The following ZNF469 variants were observed in gnomAD, a reference collection of about 807,000 sequenced individuals.
The protein encoded by ZNF469 is zinc finger protein 469.
Under a neutral mutation model 1.0 loss-of-function variants are expected in ZNF469, and 1 was observed. That is an observed-to-expected ratio of 1.00 (90% confidence interval 0.35 to 4.73). The LOEUF is 4.73. ZNF469 is among the 30% of genes most tolerant of loss of function. The probability of loss-of-function intolerance (pLI) is 0.16; values close to 1 mark genes in which losing one functional copy is unlikely to be tolerated. For missense variants in ZNF469, 6,100 were observed against 5,356.3 expected, an observed-to-expected ratio of 1.14 and a Z score of -4.33; for synonymous variants, 2,703 against 2,363.4, an observed-to-expected ratio of 1.14 and a Z score of -4.17.
the ZNF469 span, among the ~76,000 whole-genome samples, chr16:88,286,775 C>T: frequency 1.3e-5 from 2 of 152,244 alleles, no homozygotes; most frequent in African/African-American, 4.8e-5. Flanking sequence ...CAGAACAGGA[C>T]AGATACTGCC....
chr16:88,419,383 G>A (rs527740026), intron 1 of ZNF469, among the ~76,000 whole-genome samples: 4 of 152,300 alleles, frequency 2.6e-5, no homozygotes, highest in East Asian at 1.9e-4. Flanking sequence ...AGCTCAGCAC[G>A]GGAGGCCAAC....
the ZNF469 span, among the ~76,000 whole-genome samples, chr16:88,108,330 A>G: frequency 1.3e-5 from 2 of 152,148 alleles, no homozygotes; most frequent in Admixed American, 6.5e-5. Flanking sequence ...GGCCCTGGCC[A>G]TCCCTGTGGG....
chr16:88,211,340 C>T, the ZNF469 span, among the ~76,000 whole-genome samples: 3 of 152,196 alleles, frequency 2.0e-5, no homozygotes, highest in Admixed American at 2.0e-4. Context: ...TGATCGTCTA[C>T]AAGGCAGGCA....
At position 88,431,459 on chromosome 16, in the gene ZNF469, C is replaced by T. The variant is rs919595948; in HGVS notation, c.3989C>T (p.Pro1330Leu). Residue 1330 changes from proline to leucine, a missense_variant, in exon 3 of 3, where the codon CCC becomes CTC. By Grantham distance (98) the Pro-to-Leu change is moderately conservative (BLOSUM62 -3). Transcript: ENST00000565624. ...CGCCAGCCTGGAGAATTTCTGGCACCCGTGGCTAACCCCTCAAGTACCGCC... is the reference window on the plus strand; with the variant it reads ...CGCCAGCCTGGAGAATTTCTGGCACTCGTGGCTAACCCCTCAAGTACCGCC... ...PARQPGEFLA[P>L]VANPSSTACP... The T allele has an allele frequency of 2.6e-6, 4 of 1,550,274 alleles. No individual in the cohort carries two copies. The African/African-American group carries it at 5.5e-5, about 21-fold the overall frequency.
chr16:88,280,757 G>A, the ZNF469 span, among the ~76,000 whole-genome samples: 2 of 151,350 alleles, frequency 1.3e-5, no homozygotes, highest in Non-Finnish European at 2.9e-5. Context: ...TGTTGGTGCT[G>A]TGTCACCCTG....
At position 88,434,434 on chromosome 16, in the gene ZNF469, A is replaced by C; in HGVS notation, c.6964A>C (p.Met2322Leu). ...CCCGCCCCACACCAACCCTGACAGGATGCCCAGGGGCCACTCCTCGTATTC... is the reference window on the plus strand; with the variant it reads ...CCCGCCCCACACCAACCCTGACAGGCTGCCCAGGGGCCACTCCTCGTATTC... The part of the protein sequence containing the change: ...GAPPHTNPDR[M>L]PRGHSSYSPS... Residue 2322 changes from methionine to leucine, a missense_variant, in exon 3 of 3, where the codon ATG (methionine) becomes CTG (leucine). Met to Leu is a conservative substitution (Grantham distance 15). Coordinates refer to ENST00000565624, the MANE Select transcript of ZNF469 (RefSeq NM_001367624.2). 1.3e-6 allele frequency: 2 copies of C among 1,549,746 alleles called. No individual in the cohort carries two copies. Among genetic ancestry groups the C allele is most frequent in the Non-Finnish European group, 1.7e-6 (2 of 1,146,918 alleles).
rs894349411 is a variant in ZNF469 at position 88,436,263 on chromosome 16, C to T, written c.8793C>T (p.Pro2931=). The T allele has an allele frequency of 1.1e-5, 17 of 1,549,798 alleles. No individual in the cohort carries two copies. The Admixed American group carries it at 1.2e-4, about 11-fold the overall frequency. ...AGGACCCGTGGGAGGACGAGGATCC[C>T]GCAGGTCTGCCCGAGTCCTTCCTCC... ...CHEDPWEDED[P]AGLPESFLLD... Residue 2931 remains proline (P), a synonymous_variant, in exon 3 of 3, where the codon CCC becomes CCT. Transcript: ENST00000565624.
the ZNF469 span, among the ~76,000 whole-genome samples, chr16:88,209,317 G>A: frequency 6.6e-6 from 1 of 151,106 alleles, no homozygotes; most frequent in African/African-American, 2.4e-5. Context: ...TTGAGATGGA[G>A]TCTTGCTCTG....
chr16:88,333,273 A>G, the ZNF469 span, among the ~76,000 whole-genome samples: 4 of 151,718 alleles, frequency 2.6e-5, no homozygotes, highest in Non-Finnish European at 5.9e-5. Context: ...AAGGCTCCGG[A>G]CTTGCTGAGT....
At chr16:88,156,323 A>T in the ZNF469 span, among the ~76,000 whole-genome samples, 1 of 152,144 alleles carries the variant, frequency 6.6e-6, no homozygotes, top group Non-Finnish European at 1.5e-5. Flanking sequence ...CAGGGTGATA[A>T]AGATTAATAC....
At chr16:88,256,896 T>TTTCTCTCTCTCTCTCTCTCTCTCTCTCTC in the ZNF469 span, among the ~76,000 whole-genome samples, 1 of 27,144 alleles carries the variant, frequency 3.7e-5, no homozygotes, top group Non-Finnish European at 8.3e-5. Flanking sequence ...TTTTCTTTCC[T>TTTCTCTCTCTCTCTCTCTCTCTCTCTCTC]TCTTTCTTTC....
At chr16:88,390,133 T>C (rs2142264140) in intron 1 of ZNF469, among the ~76,000 whole-genome samples, 1 of 152,286 alleles carries the variant, frequency 6.6e-6, no homozygotes, top group African/African-American at 2.4e-5. Context: ...GAACTGACAC[T>C]GACTCCGGGA....
chr16:88,350,272 GC>G, the ZNF469 span, among the ~76,000 whole-genome samples: 2 of 152,178 alleles, frequency 1.3e-5, no homozygotes, highest in African/African-American at 4.8e-5. Flanking sequence ...CAAGGGCCCT[GC>G]CCCCCCGTCC....
intron 1 of ZNF469, among the ~76,000 whole-genome samples, chr16:88,423,253 A>AGATGGATG (rs1255170652): frequency 7.8e-6 from 1 of 128,796 alleles, no homozygotes; most frequent in African/African-American, 3.0e-5. Context: ...ATGGATGGAT[A>AGATGGATG]GATGGATGGA....
the ZNF469 span, among the ~76,000 whole-genome samples, chr16:88,216,586 A>C: frequency 6.6e-6 from 1 of 152,136 alleles, no homozygotes; most frequent in East Asian, 1.9e-4. Context: ...TGATTCTTGG[A>C]AGACACAGAG....
At chr16:88,249,063 C>G in the ZNF469 span, among the ~76,000 whole-genome samples, 10 of 152,106 alleles carry the variant, frequency 6.6e-5, no homozygotes, top group Non-Finnish European at 1.3e-4. Context: ...TCTATGCGCT[C>G]TTTTTAACCC....
chr16:88,263,153 C>G, the ZNF469 span, among the ~76,000 whole-genome samples: 1 of 152,212 alleles, frequency 6.6e-6, no homozygotes, highest in Non-Finnish European at 1.5e-5. Context: ...TGGCACTGGT[C>G]TGTCCAACCC....
At chr16:88,121,729 A>G in the ZNF469 span, among the ~76,000 whole-genome samples, 8 of 152,232 alleles carry the variant, frequency 5.3e-5, no homozygotes, top group Non-Finnish European at 1.2e-4. Flanking sequence ...TAAATTGGCC[A>G]GGAGGTTGCA....
chr16:88,134,091 C>G, the ZNF469 span, among the ~76,000 whole-genome samples: 1 of 128,098 alleles, frequency 7.8e-6, no homozygotes, highest in Non-Finnish European at 1.7e-5. Flanking sequence ...GAGCGAGTCT[C>G]TGTCTCAATG....
Sources: gnomAD v4.1 joint callset for allele counts (sites outside exome capture counted in the v4.1 genomes callset) on GRCh38, gnomAD v4.1.1 for gene constraint, MANE v1.5 for transcripts, NCBI Gene and HGNC (gene_info 2026-07-23, HGNC 2026-07-21) for gene names.